The following SUPT3H variants were observed in gnomAD, a reference collection of about 807,000 sequenced individuals.
The protein encoded by SUPT3H is SPT3 homolog, SAGA and STAGA complex component.
Under a neutral mutation model 44.3 loss-of-function variants are expected in SUPT3H, and 44 were observed. The ratio of observed to expected loss-of-function variants is 0.99; its 90% CI spans 0.78 to 1.28. The LOEUF (loss-of-function observed/expected upper bound fraction) is 1.28, where lower values mean the gene tolerates loss of function less well. Among genes scored for constraint, SUPT3H ranks in the 50% most tolerant of loss-of-function variants. The probability of loss-of-function intolerance (pLI) is 0.00; values close to 1 mark genes in which losing one functional copy is unlikely to be tolerated. For synonymous variants in SUPT3H, 124 were observed against 125.6 expected (o/e 0.99, Z 0.09); for missense variants, 380 against 387.1 (o/e 0.98, Z 0.15).
At chr6:45,130,684 T>C (rs1343404765) in intron 2 of SUPT3H, among the ~76,000 whole-genome samples, 1 of 50,726 alleles carries the variant, frequency 2.0e-5, no homozygotes, top group African/African-American at 7.7e-5. Flanking sequence ...AAGACAAAGG[T>C]AAAAAAAAAA....
intron 2 of SUPT3H, among the ~76,000 whole-genome samples, chr6:45,358,344 T>C (rs897992353): frequency 4.6e-5 from 7 of 152,164 alleles, no homozygotes; most frequent in Non-Finnish European, 1.0e-4. Context: ...TTTAATATAC[T>C]CAATAGGTAC....
At chr6:44,826,478 C>T (rs1293480182), downstream of SUPT3H, among the ~76,000 whole-genome samples, 1 of 152,098 alleles carries the variant, frequency 6.6e-6, no homozygotes, top group East Asian at 1.9e-4. Context: ...ATGAAATGTT[C>T]GGCCAGAGCA....
intron 6 of SUPT3H, among the ~76,000 whole-genome samples, chr6:44,989,684 G>A (rs1366537891): frequency 1.3e-5 from 2 of 151,942 alleles, no homozygotes; most frequent in Admixed American, 6.6e-5. Context: ...TTTTAATAAA[G>A]GCCATCCTAA....
At chr6:45,017,568 A>G (rs1469907529) in intron 4 of SUPT3H, among the ~76,000 whole-genome samples, 1 of 152,122 alleles carries the variant, frequency 6.6e-6, no homozygotes, top group Non-Finnish European at 1.5e-5. Context: ...ACATGTGGCT[A>G]GCCAGTTTTC....
chr6:45,012,828 A>AT (rs1239630877), intron 5 of SUPT3H, among the ~76,000 whole-genome samples: 3 of 152,064 alleles, frequency 2.0e-5, no homozygotes, highest in African/African-American at 7.2e-5. Context: ...GTCATTGTTT[A>AT]TTTCATGACT....
intron 2 of SUPT3H, among the ~76,000 whole-genome samples, chr6:45,133,440 T>G (rs1373772091): frequency 6.6e-6 from 1 of 152,184 alleles, no homozygotes; most frequent in African/African-American, 2.4e-5. Context: ...ATTGTAGAAC[T>G]GAAAATAAAC....
At chr6:45,223,986 T>A (rs533012592) in intron 2 of SUPT3H, among the ~76,000 whole-genome samples, 1 of 148,588 alleles carries the variant, frequency 6.7e-6, no homozygotes, top group African/African-American at 2.4e-5. Flanking sequence ...AAAATATATC[T>A]AATATCTTAA....
intron 2 of SUPT3H, among the ~76,000 whole-genome samples, chr6:45,307,076 T>C (rs542627954): frequency 4.5e-4 from 68 of 152,044 alleles, no homozygotes; most frequent in Non-Finnish European, 7.9e-4. Flanking sequence ...GGGGGAGGGG[T>C]GCCCGCCATT....
chr6:45,000,069 CAT>C (rs1336067183), intron 6 of SUPT3H, among the ~76,000 whole-genome samples: 1 of 150,022 alleles, frequency 6.7e-6, no homozygotes, highest in Non-Finnish European at 1.5e-5. Context: ...TGTATATACA[CAT>C]ATAAATGTAT....
intron 10 of SUPT3H, among the ~76,000 whole-genome samples, chr6:44,867,955 C>T (rs1283738375): frequency 2.4e-5 from 3 of 123,694 alleles, no homozygotes; most frequent in Non-Finnish European, 5.0e-5. Context: ...ACCTTCTCAA[C>T]CATTTTGGTA....
intron 10 of SUPT3H, among the ~76,000 whole-genome samples, chr6:44,902,770 A>T (rs1765310690): frequency 6.6e-6 from 1 of 152,192 alleles, no homozygotes; most frequent in Admixed American, 6.5e-5. Flanking sequence ...AATTGACCAC[A>T]TAGTTGGAAG....
At chr6:45,179,339 A>G (rs899684824) in intron 2 of SUPT3H, among the ~76,000 whole-genome samples, 1 of 152,144 alleles carries the variant, frequency 6.6e-6, no homozygotes, top group Non-Finnish European at 1.5e-5. Flanking sequence ...AACTATTCCA[A>G]TCAATAGAAA....
chr6:45,297,420 C>T (rs1448743166), intron 2 of SUPT3H, among the ~76,000 whole-genome samples: 4 of 152,062 alleles, frequency 2.6e-5, no homozygotes, highest in Admixed American at 6.6e-5. Context: ...CTTTTTTGTA[C>T]TTCTAGATAA....
chr6:44,999,285 T>C (rs960348577), intron 6 of SUPT3H, among the ~76,000 whole-genome samples: 33 of 152,028 alleles, frequency 2.2e-4, no homozygotes, highest in Non-Finnish European at 1.0e-4. Context: ...TTTTTCGTTT[T>C]TAACAGACAA....
At chr6:44,985,936 T>A (rs1179490198) in intron 6 of SUPT3H, among the ~76,000 whole-genome samples, 1 of 152,206 alleles carries the variant, frequency 6.6e-6, no homozygotes, top group Non-Finnish European at 1.5e-5. Context: ...TTTTTAAAAT[T>A]TTTGAAAGAA....
At chr6:45,335,318 A>C (rs1281570113) in intron 2 of SUPT3H, among the ~76,000 whole-genome samples, 1 of 151,300 alleles carries the variant, frequency 6.6e-6, no homozygotes, top group Non-Finnish European at 1.5e-5. Context: ...TTTACTTTGA[A>C]GCTTAAAAGA....
chr6:45,137,642 AAAT>A (rs1056721438), intron 2 of SUPT3H, among the ~76,000 whole-genome samples: 1 of 151,944 alleles, frequency 6.6e-6, no homozygotes, highest in Admixed American at 6.6e-5. Context: ...AACCACAAAG[AAAT>A]AATAATAATG....
rs529386364 is a variant in SUPT3H at position 45,129,867 on chromosome 6, G to A, written c.102-23861C>T. Among the ~76,000 whole-genome samples the A allele has an allele frequency of 8.6e-5, 13 of 151,876 alleles. No individual in the cohort carries two copies. In the South Asian group the frequency reaches 1.7e-3, roughly 19 times the overall value. On this transcript the variant is annotated intron_variant, in intron 2 of 10. Coordinates refer to ENST00000371459, the MANE Select transcript of SUPT3H (RefSeq NM_003599.4). ...GAAAGGATGGAGAGGAAGACTGCAG[G>A]AGAAAAATAAGGAGAAATAAATAGA...
At chr6:44,941,483 T>A (rs1445270163) in intron 9 of SUPT3H, among the ~76,000 whole-genome samples, 7 of 152,232 alleles carry the variant, frequency 4.6e-5, no homozygotes, top group South Asian at 2.1e-4. Context: ...AGCCTGCCTG[T>A]AAGGTTTTGC....
Sources: gnomAD v4.1 joint callset for allele counts (sites outside exome capture counted in the v4.1 genomes callset) on GRCh38, gnomAD v4.1.1 for gene constraint, MANE v1.5 for transcripts, NCBI Gene and HGNC (gene_info 2026-07-23, HGNC 2026-07-21) for gene names.